PNPLA1: variants seen among roughly 807,000 people sequenced by gnomAD.
PNPLA1 encodes the protein patatin like domain 1, omega-hydroxyceramide transacylase, also known as omega-hydroxyceramide transacylase.
Under a neutral mutation model 51.7 loss-of-function variants are expected in PNPLA1, and 36 were observed. The ratio of observed to expected loss-of-function variants is 0.70; its 90% CI spans 0.53 to 0.92. The LOEUF is 0.92. Ranked by LOEUF, PNPLA1 falls within the 40% of genes least tolerant of loss-of-function variation. PNPLA1 has a pLI of 0.00. For missense variants in PNPLA1, 658 were observed against 682.5 expected, an observed-to-expected ratio of 0.96 and a Z score of 0.40; for synonymous variants, 293 against 280.1, an observed-to-expected ratio of 1.05 and a Z score of -0.46.
At chr6:36,285,381 G>A (rs538877488) in intron 1 of PNPLA1, among the ~76,000 whole-genome samples, 1 of 152,296 alleles carries the variant, frequency 6.6e-6, no homozygotes, top group African/African-American at 2.4e-5. Flanking sequence ...CTGGGGCCCC[G>A]CAGTCCCATC....
At chr6:36,301,393 C>G (rs2127351416) in intron 5 of PNPLA1, among the ~76,000 whole-genome samples, 1 of 152,182 alleles carries the variant, frequency 6.6e-6, no homozygotes, top group South Asian at 2.1e-4. Context: ...CCTGCCGCCT[C>G]CTCAGCCTCC....
At chr6:36,256,438 C>CATAT (rs1487748080) in intron 1 of PNPLA1, among the ~76,000 whole-genome samples, 1 of 151,790 alleles carries the variant, frequency 6.6e-6, no homozygotes, top group Non-Finnish European at 1.5e-5. Context: ...AATTATCCCC[C>CATAT]ATATATATAT....
intron 8 of PNPLA1, among the ~76,000 whole-genome samples, chr6:36,309,980 T>C (rs1178165172): frequency 6.6e-6 from 1 of 152,180 alleles, no homozygotes; most frequent in East Asian, 1.9e-4. Flanking sequence ...AGAGAGAGGC[T>C]AGAACAAAAG....
intron 1 of PNPLA1, among the ~76,000 whole-genome samples, chr6:36,245,753 C>T (rs1055818069): frequency 3.3e-5 from 5 of 152,216 alleles, no homozygotes; most frequent in South Asian, 2.1e-4. Context: ...TGGCAGGAAC[C>T]GTCATCCCCA....
intron 1 of PNPLA1, among the ~76,000 whole-genome samples, chr6:36,272,630 G>A (rs1000226362): frequency 2.6e-5 from 4 of 152,196 alleles, no homozygotes; most frequent in African/African-American, 9.7e-5. Flanking sequence ...GAGTGTGTTT[G>A]AGGGAGCAAG....
intron 5 of PNPLA1, among the ~76,000 whole-genome samples, chr6:36,300,176 T>TGAGAGAGAGAGAGAGA (rs1246025508): frequency 4.2e-5 from 3 of 72,100 alleles, no homozygotes; most frequent in Admixed American, 3.5e-4. Flanking sequence ...TGTGTGTGTG[T>TGAGAGAGAGAGAGAGA]GTGAGAGAGA....
intron 1 of PNPLA1, among the ~76,000 whole-genome samples, chr6:36,260,212 C>T (rs1044907988): frequency 6.6e-6 from 1 of 151,860 alleles, no homozygotes; most frequent in African/African-American, 2.4e-5. Flanking sequence ...ATTGCTTGAG[C>T]CCAAGAGTTT....
rs142390947 is a variant in PNPLA1, at chr6:36,263,643, T to C, written c.-81+20382T>C. 8.5e-5 allele frequency among the ~76,000 whole-genome samples: 13 copies of C among 152,278 alleles called. No homozygotes were observed. The South Asian group carries it at 1.5e-3, about 17-fold the overall frequency. ...CAGAGTTGCAGAAATGCCCATTGTA[T>C]TAACCATGCTTTCTTATTTTGTGAA... is the stretch of plus-strand genomic sequence containing the variant. On this transcript the variant is annotated intron_variant, in intron 1 of 7. Coordinates refer to the PNPLA1 transcript ENST00000312917.
At chr6:36,252,056 C>A (rs977500817) in intron 1 of PNPLA1, among the ~76,000 whole-genome samples, 7 of 152,160 alleles carry the variant, frequency 4.6e-5, no homozygotes, top group Non-Finnish European at 8.8e-5. Flanking sequence ...GGTGGGGAGA[C>A]CCCAGGTAAG....
At chr6:36,307,322 T>G (rs1236217278) in intron 7 of PNPLA1, among the ~76,000 whole-genome samples, 1 of 152,368 alleles carries the variant, frequency 6.6e-6, no homozygotes, top group South Asian at 2.1e-4. Context: ...GCATAAGTTA[T>G]GCATTTTGTT....
At chr6:36,244,164 CTT>C (rs1769212071) in intron 1 of PNPLA1, among the ~76,000 whole-genome samples, 2 of 152,212 alleles carry the variant, frequency 1.3e-5, no homozygotes, top group Admixed American at 1.3e-4. Context: ...CTCTCTCTCT[CTT>C]AGATAATTGC....
intron 7 of PNPLA1, among the ~76,000 whole-genome samples, chr6:36,306,722 C>T (rs1771249852): frequency 2.0e-5 from 3 of 152,162 alleles, no homozygotes; most frequent in Admixed American, 6.5e-5. Context: ...CTGCAGGCAT[C>T]CTACCTCCCA....
chr6:36,288,899 C>T (rs1309240018), intron 1 of PNPLA1, among the ~76,000 whole-genome samples: 4 of 152,130 alleles, frequency 2.6e-5, no homozygotes, highest in Non-Finnish European at 4.4e-5. Flanking sequence ...TGGTGTCCAG[C>T]TTGGGTGACA....
At chr6:36,284,463 T>A (rs1242004999) in intron 1 of PNPLA1, among the ~76,000 whole-genome samples, 3 of 152,254 alleles carry the variant, frequency 2.0e-5, no homozygotes, top group Admixed American at 6.5e-5. Context: ...TAGTTCTATT[T>A]CTGCAAACAA....
Position 36,307,620 on chromosome 6 carries a change from TAAGGTCTTC to T in PNPLA1, c.1507_1515del (p.Val503_Lys505del). The stretch of plus-strand genomic sequence containing the variant: ...CTGCTGAAGACTCAAACTGGGTGAA[TAAGGTCTTC>T]AAGAAGAACAAGCAAAAGACAAGTG... On this transcript the variant is annotated inframe_deletion, in exon 8 of 9. Transcript: ENST00000636260. The T allele has an allele frequency of 6.2e-7, 1 of 1,613,602 alleles. No homozygotes were observed. The highest frequency in any genetic ancestry group is 8.5e-7 in the Non-Finnish European group (1 of 1,179,904).
In PNPLA1 at chr6:36,302,151, C is replaced by T; in HGVS notation, c.1066C>T (p.Gln356Ter). The change falls in exon 6 of 9, where the codon CAG (glutamine) becomes TAG (stop). Residue 356 changes from glutamine (Q) to a stop codon, truncating the protein, a stop_gained. Transcript: ENST00000636260. LOFTEE classifies it high-confidence loss of function. The part of the protein sequence containing the change: ...PVSPLEQPPA[Q>*]PLASSTPLSL... ...CTCTCCACTTGAGCAGCCACCTGCA[C>T]AGCCACTGGCCTCTTCAACTCCACT... 6.2e-7 allele frequency: 1 copy of T among 1,614,234 alleles called. No individual in the cohort carries two copies. Among genetic ancestry groups the T allele is most frequent in the East Asian group, 2.2e-5 (1 of 44,886 alleles).
intron 1 of PNPLA1, among the ~76,000 whole-genome samples, chr6:36,259,818 A>G (rs1239264867): frequency 1.3e-5 from 2 of 152,144 alleles, no homozygotes; most frequent in Non-Finnish European, 1.5e-5. Flanking sequence ...AACAGTAGAC[A>G]CTGGGATCTA....
At chr6:36,299,569 C>T (rs1194274644) in intron 5 of PNPLA1, among the ~76,000 whole-genome samples, 1 of 152,230 alleles carries the variant, frequency 6.6e-6, no homozygotes, top group East Asian at 1.9e-4. Flanking sequence ...CTCTTGACCT[C>T]GTGATCCACC....
At chr6:36,278,470 T>C (rs1770178001) in intron 1 of PNPLA1, among the ~76,000 whole-genome samples, 1 of 152,192 alleles carries the variant, frequency 6.6e-6, no homozygotes, top group South Asian at 2.1e-4. Flanking sequence ...ATAATTGTAT[T>C]TAGACCCTGG....
Sources: allele counts gnomAD v4.1 joint callset (sites outside exome capture counted in the v4.1 genomes callset), GRCh38; gene constraint gnomAD v4.1.1; transcripts MANE v1.5; gene names NCBI Gene and HGNC (gene_info 2026-07-23, HGNC 2026-07-21).